Variants in THSD7A observed in about 807,000 individuals in gnomAD.
The protein encoded by THSD7A is thrombospondin type-1 domain-containing protein 7A.
In THSD7A, 96 loss-of-function variants were observed where a neutral mutation model predicts 231.3. The observed-to-expected ratio is 0.41, with a 90% CI of 0.35 to 0.49. THSD7A has a LOEUF of 0.49. Ranked by LOEUF, THSD7A falls within the 20% of genes least tolerant of loss-of-function variation. THSD7A has a pLI of 0.05. For synonymous variants in THSD7A, 940 were observed against 743.3 expected (o/e 1.26, Z -4.30); for missense variants, 2,290 against 2,070.2 (o/e 1.11, Z -2.06).
At chr7:11,584,355 G>T (rs1791302652) in intron 4 of THSD7A, among the ~76,000 whole-genome samples, 1 of 152,060 alleles carries the variant, frequency 6.6e-6, no homozygotes, top group African/African-American at 2.4e-5. Flanking sequence ...ACAAAAATAT[G>T]TATTTTTACT....
At chr7:11,673,710 A>G (rs895966735) in intron 1 of THSD7A, among the ~76,000 whole-genome samples, 1 of 152,088 alleles carries the variant, frequency 6.6e-6, no homozygotes, top group African/African-American at 2.4e-5. Flanking sequence ...TTCCTTCACA[A>G]AACTGGACTG....
At chr7:11,487,703 A>C (rs6964782) in intron 6 of THSD7A, among the ~76,000 whole-genome samples, 14,871 of 152,048 alleles carry the variant, frequency 0.098, 818 homozygotes, top group African/African-American at 0.15. Flanking sequence ...CAGGCAAGAG[A>C]GCTTGTGCAG....
At chr7:11,414,679 C>T (rs1405694515) in intron 17 of THSD7A, among the ~76,000 whole-genome samples, 1 of 152,182 alleles carries the variant, frequency 6.6e-6, no homozygotes, top group Non-Finnish European at 1.5e-5. Flanking sequence ...CTTCTGAAAA[C>T]AGTTGGTTTC....
chr7:11,793,276 G>A (rs967936839), intron 1 of THSD7A, among the ~76,000 whole-genome samples: 3 of 151,778 alleles, frequency 2.0e-5, no homozygotes, highest in Non-Finnish European at 4.4e-5. Context: ...ACATAACAAT[G>A]GCCGAATCTT....
At chr7:11,578,103 T>G (rs1309098580) in intron 4 of THSD7A, among the ~76,000 whole-genome samples, 3 of 152,260 alleles carry the variant, frequency 2.0e-5, no homozygotes, top group Non-Finnish European at 4.4e-5. Flanking sequence ...CTCTCCATTA[T>G]GTTTCTCAAC....
intron 6 of THSD7A, among the ~76,000 whole-genome samples, chr7:11,537,082 T>C (rs1336336774): frequency 6.6e-6 from 1 of 152,174 alleles, no homozygotes; most frequent in Non-Finnish European, 1.5e-5. Flanking sequence ...CTGAAGATAC[T>C]GAAATGATAT....
intron 1 of THSD7A, among the ~76,000 whole-genome samples, chr7:11,667,550 T>C (rs1404849662): frequency 6.6e-6 from 1 of 152,008 alleles, no homozygotes; most frequent in African/African-American, 2.4e-5. Context: ...TAGGGCAAGG[T>C]GGAAAGAAGA....
In THSD7A at chr7:11,439,895, A is replaced by C. The variant is rs962365365; in HGVS notation, c.3064+6166T>G. Among the ~76,000 whole-genome samples the C allele has an allele frequency of 1.6e-4, 25 of 152,108 alleles. 1 individual carries two copies. The highest frequency in any genetic ancestry group is 6.0e-4 in the African/African-American group (25 of 41,458). On this transcript the variant is annotated intron_variant, in intron 13 of 27. Coordinates refer to ENST00000423059, the MANE Select transcript of THSD7A (RefSeq NM_015204.3). ...TAAGGTAATAGATTAAGATGACTAC[A>C]TTAAGCAACAGATTTTTCAATGTAG...
At chr7:11,482,729 G>A (rs1387881991) in intron 6 of THSD7A, among the ~76,000 whole-genome samples, 2 of 152,094 alleles carry the variant, frequency 1.3e-5, no homozygotes, top group East Asian at 1.9e-4. Flanking sequence ...AAATGACCTC[G>A]CTGTGTTTCT....
intron 6 of THSD7A, among the ~76,000 whole-genome samples, chr7:11,523,127 T>C (rs554646165): frequency 1.3e-5 from 2 of 152,226 alleles, no homozygotes; most frequent in African/African-American, 4.8e-5. Context: ...TAATTTTCAG[T>C]TCTATATTGC....
At chr7:11,470,054 A>T in intron 8 of THSD7A, 60 bp from the exon 9 acceptor site, 1 of 1,204,912 alleles carries the variant, frequency 8.3e-7, no homozygotes, top group Non-Finnish European at 1.2e-6. Context: ...CAGATAATTT[A>T]ATTTCTCTAG....
At chr7:11,679,008 G>A (rs1322487725) in intron 1 of THSD7A, among the ~76,000 whole-genome samples, 1 of 152,148 alleles carries the variant, frequency 6.6e-6, no homozygotes, top group Admixed American at 6.6e-5. Flanking sequence ...CCACTTTCAA[G>A]TCAGCTTCAT....
intron 6 of THSD7A, among the ~76,000 whole-genome samples, chr7:11,482,363 TACAAATAATG>T (rs1786463041): frequency 6.6e-6 from 1 of 152,176 alleles, no homozygotes; most frequent in Admixed American, 6.5e-5. Flanking sequence ...AGCTATGATT[TACAAATAATG>T]ACTCTATCCA....
At chr7:11,768,746 G>A (rs997680701) in intron 1 of THSD7A, among the ~76,000 whole-genome samples, 6 of 151,940 alleles carry the variant, frequency 3.9e-5, no homozygotes, top group Non-Finnish European at 7.4e-5. Flanking sequence ...ATTCTACGTT[G>A]TTAATTTGTT....
At chr7:11,826,812 C>CAAA (rs3037773) in intron 1 of THSD7A, among the ~76,000 whole-genome samples, 2 of 120,778 alleles carry the variant, frequency 1.7e-5, no homozygotes, top group Non-Finnish European at 3.5e-5. Context: ...GCCTCTGTCT[C>CAAA]AAAAAAAAAA....
chr7:11,437,672 C>T (rs558692392), intron 13 of THSD7A, among the ~76,000 whole-genome samples: 16 of 152,104 alleles, frequency 1.1e-4, no homozygotes, highest in African/African-American at 3.4e-4. Context: ...GTTTACAAGA[C>T]TCTATTTATT....
intron 13 of THSD7A, among the ~76,000 whole-genome samples, chr7:11,438,956 A>G (rs747383666): frequency 6.6e-6 from 1 of 152,036 alleles, no homozygotes; most frequent in Non-Finnish European, 1.5e-5. Context: ...TTTGGCTGAT[A>G]TATTCATTTA....
Position 11,474,639 on chromosome 7 carries a change from G to T in THSD7A, c.2018-71C>A. On this transcript the variant is annotated intron_variant, in intron 7 of 27. Transcript: ENST00000423059. The surrounding 1 kb of genome is among the most constrained non-coding windows in gnomAD (Gnocchi z 4.1). ...GAACCTTACCATACTCTGTTCTTTG[G>T]AATTAACATGGCTTAGAAATAAAAA... 8.2e-7 allele frequency: 1 copy of T among 1,214,098 alleles called. No individual in the cohort carries two copies. Among genetic ancestry groups the T allele is most frequent in the Non-Finnish European group, 1.1e-6 (1 of 872,092 alleles). The allele number at this position is 1,214,098 out of a possible 1,614,324, so 75.2% of individuals were successfully genotyped here. A position where few individuals can be genotyped will look rare whatever the true frequency, so the allele number is the denominator to read the frequency against.
At chr7:11,827,410 T>G (rs1785063855) in intron 1 of THSD7A, among the ~76,000 whole-genome samples, 1 of 152,212 alleles carries the variant, frequency 6.6e-6, no homozygotes, top group African/African-American at 2.4e-5. Flanking sequence ...TACTTGATAT[T>G]TTCTAAAATA....
Sources: gnomAD v4.1 joint callset for allele counts (sites outside exome capture counted in the v4.1 genomes callset) on GRCh38, gnomAD v4.1.1 for gene constraint, Gnocchi (gnomAD v3.1) non-coding constraint, MANE v1.5 for transcripts, NCBI Gene and HGNC (gene_info 2026-07-23, HGNC 2026-07-21) for gene names.